PASD1: variants seen among roughly 807,000 people sequenced by gnomAD.
The protein encoded by PASD1 is circadian clock protein PASD1.
PASD1 carries 13 observed loss-of-function variants against 58.8 expected under a neutral mutation model. The ratio of observed to expected loss-of-function variants is 0.22; its 90% CI spans 0.14 to 0.35. PASD1 has a LOEUF of 0.35. Ranked by LOEUF, PASD1 falls within the 10% of genes least tolerant of loss-of-function variation. The probability of loss-of-function intolerance (pLI) is 1.00; values close to 1 mark genes in which losing one functional copy is unlikely to be tolerated. For synonymous variants in PASD1, 236 were observed against 216.7 expected (o/e 1.09, Z -0.78); for missense variants, 734 against 568.3 (o/e 1.29, Z -2.96).
intron 10 of PASD1, among the ~76,000 whole-genome samples, chrX:151,660,755 A>G (rs2014298958): frequency 8.9e-6 from 1 of 112,828 alleles, no homozygotes; most frequent in East Asian, 2.8e-4. Flanking sequence ...TGAAATGGCT[A>G]GCAGCTTATG....
rs963343567 is a variant in PASD1, at chrX:151,600,857, A to G, written c.-27-670A>G. 9.8e-5 allele frequency among the ~76,000 whole-genome samples: 11 copies of G among 111,765 alleles called. No individual in the cohort carries two copies. The Admixed American group carries it at 1.0e-3, about 11-fold the overall frequency. On this transcript the variant is annotated intron_variant, in intron 1 of 15. Coordinates refer to ENST00000370357, the MANE Select transcript of PASD1 (RefSeq NM_173493.3). Reference sequence around the variant, plus strand: ...TGTTTGACTCCCTGAACTTTCCCTTACTTAGAGAACATTTAAAGGATGTTT... The same window carrying G: ...TGTTTGACTCCCTGAACTTTCCCTTGCTTAGAGAACATTTAAAGGATGTTT...
At chrX:151,618,001 C>A (rs1034670160) in intron 4 of PASD1, among the ~76,000 whole-genome samples, 2 of 111,751 alleles carry the variant, frequency 1.8e-5, no homozygotes, top group African/African-American at 6.5e-5. Context: ...CCCAGTTTGG[C>A]ATCTAAAGTC....
In PASD1 at chrX:151,670,213, A is replaced by G. The variant is rs1245586733; in HGVS notation, c.1072-825A>G. Among the ~76,000 whole-genome samples, 3 of 111,920 alleles carry G rather than the reference A, an allele frequency of 2.7e-5. No homozygotes were observed. The East Asian group carries it at 8.5e-4, about 32-fold the overall frequency. ...TCTCCCACCACTTGATCTTCTGCAC[A>G]GCTGCCAGAAGGCATGTTTTATAAC... On this transcript the variant is annotated intron_variant, in intron 11 of 15. Transcript: ENST00000370357.
chrX:151,657,987 T>C (rs5970086), intron 9 of PASD1, among the ~76,000 whole-genome samples: 35,083 of 110,510 alleles, frequency 0.32, 4,778 homozygotes, highest in Middle Eastern at 0.48. Context: ...TAGAGCACTT[T>C]AACAATAAGC....
At chrX:151,624,033 A>G (rs1056498943) in intron 7 of PASD1, among the ~76,000 whole-genome samples, 2 of 111,571 alleles carry the variant, frequency 1.8e-5, no homozygotes, top group Non-Finnish European at 3.8e-5. Context: ...AGGTGACATG[A>G]TCTGATTTTC....
chrX:151,626,995 A>T (rs938168297), intron 8 of PASD1, among the ~76,000 whole-genome samples: 1 of 111,591 alleles, frequency 9.0e-6, no homozygotes, highest in Non-Finnish European at 1.9e-5. Flanking sequence ...AACAGAACTC[A>T]TGGTGGCTAG....
intron 8 of PASD1, among the ~76,000 whole-genome samples, chrX:151,628,218 C>T (rs1365509605): frequency 9.0e-6 from 1 of 111,320 alleles, no homozygotes; most frequent in Admixed American, 9.5e-5. Flanking sequence ...AATTAGATCC[C>T]ATTTGTCAAT....
Position 151,604,716 on chromosome X carries a change from C to T in PASD1, c.99C>T (p.Phe33=). The change falls in exon 3 of 16, where the codon TTC becomes TTT. Residue 33 remains phenylalanine (F), a synonymous_variant. Transcript: ENST00000370357. ...WIPSFPTYDY[F]NQVTLQLLDG... is the part of the protein sequence containing the mutation. The stretch of plus-strand genomic sequence containing the variant: ...CATCATTTCCTACCTATGATTACTT[C>T]AACCAAGTGACGCTACAGGTAAGAG... The T allele has an allele frequency of 8.3e-7, 1 of 1,205,529 alleles. No homozygotes were observed. The highest frequency in any genetic ancestry group is 1.1e-6 in the Non-Finnish European group (1 of 890,407).
intron 11 of PASD1, among the ~76,000 whole-genome samples, chrX:151,667,756 C>T (rs953145024): frequency 2.7e-5 from 3 of 111,797 alleles, no homozygotes; most frequent in Admixed American, 9.5e-5. Flanking sequence ...GTTTTGGTAC[C>T]AGTACCATGC....
Position 151,599,749 on chromosome X carries a change from C to T in PASD1, c.-27-1778C>T, listed in dbSNP as rs1304101084. ...GCTCCTCACCTCCTAGATGGGATGACGGCTGGGAAGAGGCGCTCCTCACTT... is the reference window on the plus strand; with the variant it reads ...GCTCCTCACCTCCTAGATGGGATGATGGCTGGGAAGAGGCGCTCCTCACTT... On this transcript the variant is annotated intron_variant, in intron 1 of 15. Transcript: ENST00000370357. Among the ~76,000 whole-genome samples, 7 of 108,017 alleles carry T rather than the reference C, an allele frequency of 6.5e-5. No homozygotes were observed. The East Asian group carries it at 1.2e-3, about 19-fold the overall frequency. The allele number at this position is 108,017 out of a possible 115,157, so 93.8% of individuals were successfully genotyped here. A position where few individuals can be genotyped will look rare whatever the true frequency, so the allele number is the denominator to read the frequency against.
rs754332376 is a variant in PASD1 at position 151,646,059 on chromosome X, C to T, written c.630-2556C>T. Among the ~76,000 whole-genome samples the T allele has an allele frequency of 3.0e-3, 335 of 110,630 alleles. 3 individuals are homozygous for T. The highest frequency in any genetic ancestry group is 5.3e-3 in the Non-Finnish European group (280 of 52,927). On this transcript the variant is annotated intron_variant, in intron 8 of 15. Transcript: ENST00000370357. ...CTGAATAGCTGTGACCACTGGTGTGCACCGCCACATCTGACTCATTTTTTA... is the reference window on the plus strand; with the variant it reads ...CTGAATAGCTGTGACCACTGGTGTGTACCGCCACATCTGACTCATTTTTTA...
rs192933182 is a variant in PASD1, at chrX:151,608,432, C to T, written c.118-3232C>T. ...AGATTTTTAAAATAGATTCTGGAAA[C>T]GAATCACTTGCTAGTTATGTGTTGC... On this transcript the variant is annotated intron_variant, in intron 3 of 15. Coordinates refer to ENST00000370357, the MANE Select transcript of PASD1 (RefSeq NM_173493.3). Among the ~76,000 whole-genome samples, 6 of 111,471 alleles carry T rather than the reference C, an allele frequency of 5.4e-5. No homozygotes were observed. In the East Asian group the frequency reaches 8.5e-4, roughly 16 times the overall value.
At chrX:151,587,392 C>T (rs1355912378) in intron 1 of PASD1, among the ~76,000 whole-genome samples, 1 of 110,923 alleles carries the variant, frequency 9.0e-6, no homozygotes, top group Non-Finnish European at 1.9e-5. Context: ...GGGTTTTCTA[C>T]CAGGCACAGT....
chrX:151,638,860 TA>T (rs1480244826), intron 8 of PASD1, among the ~76,000 whole-genome samples: 1 of 111,827 alleles, frequency 8.9e-6, no homozygotes, highest in Non-Finnish European at 1.9e-5. Flanking sequence ...ACTATTTTTA[TA>T]AGGTGTGAGA....
intron 9 of PASD1, among the ~76,000 whole-genome samples, chrX:151,656,125 G>A (rs1440330489): frequency 2.7e-5 from 3 of 111,305 alleles, no homozygotes; most frequent in Non-Finnish European, 5.7e-5. Context: ...CTTTCCCCAT[G>A]TCTTGTTTTT....
chrX:151,602,745 C>A (rs1373254240), intron 2 of PASD1, among the ~76,000 whole-genome samples: 5 of 110,624 alleles, frequency 4.5e-5, no homozygotes, highest in Non-Finnish European at 9.4e-5. Flanking sequence ...AAAAGCACTT[C>A]ATGTTTTACT....
chrX:151,638,815 G>T (rs1461867868), intron 8 of PASD1, among the ~76,000 whole-genome samples: 1 of 111,147 alleles, frequency 9.0e-6, no homozygotes, highest in Non-Finnish European at 1.9e-5. Flanking sequence ...TATCATTCTG[G>T]ATTTTAAGTT....
rs999301431 is a variant in PASD1, at chrX:151,594,043, G to A, written c.-27-7484G>A. ...GGCTGGAATGCAGTGGCACGGTCTC[G>A]GCTCACTGCAATCTCGGCCTCCTGG... is the stretch of plus-strand genomic sequence containing the variant. On this transcript the variant is annotated intron_variant, in intron 1 of 15. Coordinates refer to ENST00000370357, the MANE Select transcript of PASD1 (RefSeq NM_173493.3). 2.7e-5 allele frequency among the ~76,000 whole-genome samples: 3 copies of A among 111,012 alleles called. No individual in the cohort carries two copies. In the East Asian group the frequency reaches 8.5e-4, roughly 32 times the overall value.
chrX:151,650,384 T>A (rs1055121012), intron 9 of PASD1, among the ~76,000 whole-genome samples: 5 of 94,023 alleles, frequency 5.3e-5, no homozygotes, highest in South Asian at 4.4e-4. Flanking sequence ...GTGGGCTGTT[T>A]AAAAAAAAAA....
Sources: allele counts gnomAD v4.1 joint callset (sites outside exome capture counted in the v4.1 genomes callset), GRCh38; gene constraint gnomAD v4.1.1; transcripts MANE v1.5; gene names NCBI Gene and HGNC (gene_info 2026-07-23, HGNC 2026-07-21).